Variants in ERBB4 observed in about 807,000 individuals in gnomAD.
ERBB4 encodes the protein receptor tyrosine-protein kinase erbB-4.
A neutral mutation model predicts 158.0 loss-of-function variants in ERBB4; 42 were observed. The observed-to-expected ratio is 0.27, with a 90% confidence interval of 0.21 to 0.34. The LOEUF (loss-of-function observed/expected upper bound fraction) is 0.34. ERBB4 is among the 10% of genes least tolerant of loss of function. ERBB4 has a pLI of 1.00. For synonymous variants in ERBB4, 583 were observed against 558.7 expected (o/e 1.04, Z -0.61); for missense variants, 1,333 against 1,624.1 (o/e 0.82, Z 3.08).
intron 20 of ERBB4, among the ~76,000 whole-genome samples, chr2:211,434,333 C>G (rs896365873): frequency 7.2e-5 from 11 of 152,010 alleles, no homozygotes; most frequent in African/African-American, 2.7e-4. Context: ...GAGGTGGGGT[C>G]TTTGAAAAGT....
chr2:212,488,587 A>C (rs1690106567), intron 1 of ERBB4, among the ~76,000 whole-genome samples: 1 of 152,006 alleles, frequency 6.6e-6, no homozygotes, highest in Admixed American at 6.6e-5. Flanking sequence ...CAAAGGATAG[A>C]GACTGACTCT....
chr2:212,310,515 A>G (rs562452075), intron 1 of ERBB4, among the ~76,000 whole-genome samples: 1 of 150,852 alleles, frequency 6.6e-6, no homozygotes, highest in Admixed American at 6.6e-5. Flanking sequence ...TTTGAAAGCT[A>G]TGAGATTTCA....
chr2:211,499,157 T>G (rs1255959604), intron 20 of ERBB4, among the ~76,000 whole-genome samples: 1 of 152,112 alleles, frequency 6.6e-6, no homozygotes, highest in Non-Finnish European at 1.5e-5. Flanking sequence ...TATTAAGTGC[T>G]AGGTTCTGGG....
chr2:212,353,454 A>G (rs1026593602), intron 1 of ERBB4, among the ~76,000 whole-genome samples: 12 of 149,448 alleles, frequency 8.0e-5, no homozygotes, highest in Admixed American at 6.0e-4. Context: ...ATAAACAAAT[A>G]TTTTATAATA....
At chr2:212,155,878 T>C (rs1191111746) in intron 1 of ERBB4, among the ~76,000 whole-genome samples, 1 of 152,168 alleles carries the variant, frequency 6.6e-6, no homozygotes, top group East Asian at 1.9e-4. Context: ...CTAGAGCTTT[T>C]AATTAATTAT....
In ERBB4 at chr2:211,379,218, A is replaced by T. The variant is rs2062532587; in HGVS notation, c.*4397T>A. On this transcript the variant is annotated 3_prime_UTR_variant, in exon 28 of 28. Coordinates refer to ENST00000342788, the MANE Select transcript of ERBB4 (RefSeq NM_005235.3). ...ATTTTGTTTGTTTGCTAGCTAAATG[A>T]CACCACTCCTTTTTTTTTTTGTCTC... 4.4e-6 allele frequency: 1 copy of T among 229,320 alleles called. No individual in the cohort carries two copies. The highest frequency in any genetic ancestry group is 8.6e-6 in the Non-Finnish European group (1 of 116,184). 14.2% of individuals were successfully genotyped at this position (229,320 alleles called of 1,614,324 possible).
At chr2:211,872,126 T>C (rs1031380834) in intron 3 of ERBB4, among the ~76,000 whole-genome samples, 2 of 152,206 alleles carry the variant, frequency 1.3e-5, no homozygotes, top group African/African-American at 4.8e-5. Flanking sequence ...ATTCCGTGCT[T>C]GCTAAATAAC....
intron 5 of ERBB4, among the ~76,000 whole-genome samples, chr2:211,747,024 G>A (rs1219604711): frequency 2.0e-5 from 3 of 152,008 alleles, no homozygotes; most frequent in Admixed American, 1.3e-4. Flanking sequence ...TTTGGGGACT[G>A]TTTCTTTCTG....
chr2:211,911,659 A>G (rs2079543446), intron 3 of ERBB4, among the ~76,000 whole-genome samples: 1 of 152,198 alleles, frequency 6.6e-6, no homozygotes, highest in South Asian at 2.1e-4. Context: ...TAAAATCAAC[A>G]TAAGAAATAA....
intron 1 of ERBB4, among the ~76,000 whole-genome samples, chr2:212,377,114 A>G (rs1452570226): frequency 6.6e-6 from 1 of 151,480 alleles, no homozygotes; most frequent in African/African-American, 2.4e-5. Context: ...ACCTTGTAAT[A>G]TATAGCTCTT....
intron 5 of ERBB4, among the ~76,000 whole-genome samples, chr2:211,747,013 C>T (rs1246056539): frequency 6.6e-6 from 1 of 152,030 alleles, no homozygotes; most frequent in African/African-American, 2.4e-5. Context: ...TCTTTAGTGA[C>T]TTTGGGGACT....
intron 20 of ERBB4, among the ~76,000 whole-genome samples, chr2:211,444,054 C>G (rs1233792972): frequency 1.3e-5 from 2 of 151,992 alleles, no homozygotes; most frequent in Non-Finnish European, 2.9e-5. Context: ...ATAATGCTGT[C>G]TTTCCTATAA....
intron 2 of ERBB4, among the ~76,000 whole-genome samples, chr2:212,032,469 G>A (rs1272457023): frequency 6.6e-6 from 1 of 151,964 alleles, no homozygotes; most frequent in Non-Finnish European, 1.5e-5. Flanking sequence ...CCACAAAAAT[G>A]CATGGCTTCA....
At chr2:212,456,584 G>T (rs1688299784) in intron 1 of ERBB4, among the ~76,000 whole-genome samples, 1 of 151,256 alleles carries the variant, frequency 6.6e-6, no homozygotes, top group African/African-American at 2.4e-5. Context: ...AAAAGAATAT[G>T]AGGTTGATTA....
At chr2:212,253,852 A>G (rs889702880) in intron 1 of ERBB4, among the ~76,000 whole-genome samples, 1 of 152,190 alleles carries the variant, frequency 6.6e-6, no homozygotes, top group Admixed American at 6.6e-5. Context: ...ACAAGTCCAC[A>G]TGGTGTAGCC....
intron 3 of ERBB4, among the ~76,000 whole-genome samples, chr2:211,876,751 A>T (rs2078513486): frequency 6.6e-6 from 1 of 152,198 alleles, no homozygotes; most frequent in South Asian, 2.1e-4. Context: ...GAATGTTTAA[A>T]TGTATATACA....
At chr2:211,951,258 C>A (rs2080867193) in intron 2 of ERBB4, among the ~76,000 whole-genome samples, 1 of 152,056 alleles carries the variant, frequency 6.6e-6, no homozygotes, top group African/African-American at 2.4e-5. Flanking sequence ...AGAGAAAACA[C>A]AGATGAAGCA....
chr2:212,144,031 A>G (rs2080579723), intron 1 of ERBB4, among the ~76,000 whole-genome samples: 1 of 150,428 alleles, frequency 6.6e-6, no homozygotes, highest in Admixed American at 6.6e-5. Context: ...AAAAAAAAAA[A>G]GAAGAAACTT....
intron 1 of ERBB4, among the ~76,000 whole-genome samples, chr2:212,151,759 C>T (rs1200541291): frequency 1.3e-5 from 2 of 152,022 alleles, no homozygotes; most frequent in African/African-American, 2.4e-5. Flanking sequence ...CATGGTGGCA[C>T]ATGCTGGTAA....
Sources: allele counts gnomAD v4.1 joint callset (sites outside exome capture counted in the v4.1 genomes callset), GRCh38; gene constraint gnomAD v4.1.1; transcripts MANE v1.5; gene names NCBI Gene and HGNC (gene_info 2026-07-23, HGNC 2026-07-21).